The following NALCN variants were observed in gnomAD, a reference collection of about 807,000 sequenced individuals.
The protein encoded by NALCN is sodium leak channel, non-selective.
In NALCN, 111 loss-of-function variants were observed where a neutral mutation model predicts 225.3. The observed-to-expected ratio is 0.49, with a 90% CI of 0.42 to 0.58. The LOEUF is 0.58. NALCN is among the 20% of genes least tolerant of loss of function. The probability of loss-of-function intolerance (pLI) is 0.00; values close to 1 mark genes in which losing one functional copy is unlikely to be tolerated. For missense variants in NALCN, 1,378 were observed against 2,202.4 expected (o/e 0.63, Z 7.49); for synonymous variants, 764 against 769.0 (o/e 0.99, Z 0.11).
At chr13:101,369,166 A>ATGTGTG (rs56739782) in intron 6 of NALCN, among the ~76,000 whole-genome samples, 3,292 of 146,394 alleles carry the variant, frequency 0.022, 80 homozygotes, top group African/African-American at 0.063. Context: ...GACAAAATAA[A>ATGTGTG]TGTGTGTGTG....
rs187497283 is a variant in NALCN at position 101,053,970 on chromosome 13, A to C, written c.*1325T>G. On this transcript the variant is annotated 3_prime_UTR_variant, in exon 44 of 44. Coordinates refer to ENST00000251127, the MANE Select transcript of NALCN (RefSeq NM_052867.4). ...CACAGAAGGAATGTCCTATTTGCCT[A>C]TCTATCTGAGGAATGTTAAATAGAG... 1 of 152,214 alleles carries C rather than the reference A, an allele frequency of 6.6e-6. No individual in the cohort carries two copies. The highest frequency in any genetic ancestry group is 2.1e-4 in the South Asian group (1 of 4,806). The allele number at this position is 152,214 out of a possible 1,614,324, so 9.4% of individuals were successfully genotyped here.
At chr13:101,354,055 A>G (rs2139334479) in intron 6 of NALCN, among the ~76,000 whole-genome samples, 1 of 152,296 alleles carries the variant, frequency 6.6e-6, no homozygotes, top group Middle Eastern at 3.4e-3. Flanking sequence ...ATAATATCAG[A>G]AAAGTTGGTC....
intron 7 of NALCN, among the ~76,000 whole-genome samples, chr13:101,340,063 C>G (rs182558037): frequency 1.3e-5 from 2 of 151,688 alleles, no homozygotes; most frequent in Non-Finnish European, 2.9e-5. Flanking sequence ...GTCAGGAGAT[C>G]GAGACCCTCC....
intron 13 of NALCN, among the ~76,000 whole-genome samples, chr13:101,223,253 A>G (rs542432586): frequency 6.6e-6 from 1 of 152,290 alleles, no homozygotes; most frequent in South Asian, 2.1e-4. Context: ...TCAATGCTCT[A>G]TTTGCCAGAA....
intron 15 of NALCN, among the ~76,000 whole-genome samples, chr13:101,158,432 C>T (rs958182012): frequency 2.0e-5 from 3 of 152,252 alleles, no homozygotes; most frequent in Non-Finnish European, 2.9e-5. Context: ...GCTGAGCTCC[C>T]CTCTGCACTG....
chr13:101,164,678 T>C (rs1181983180), intron 15 of NALCN, among the ~76,000 whole-genome samples: 1 of 152,244 alleles, frequency 6.6e-6, no homozygotes, highest in Non-Finnish European at 1.5e-5. Flanking sequence ...CTGTTCTGTC[T>C]TAGCCATTTC....
intron 3 of NALCN, among the ~76,000 whole-genome samples, chr13:101,393,898 A>G (rs2047212519): frequency 6.6e-6 from 1 of 152,192 alleles, no homozygotes; most frequent in East Asian, 1.9e-4. Context: ...ATTTGTGACA[A>G]TATTAGGAAA....
intron 13 of NALCN, among the ~76,000 whole-genome samples, chr13:101,227,905 A>C (rs919640723): frequency 9.2e-5 from 14 of 152,160 alleles, no homozygotes; most frequent in Non-Finnish European, 1.6e-4. Flanking sequence ...TGTGATGGGA[A>C]TCCGTTCCCT....
intron 6 of NALCN, among the ~76,000 whole-genome samples, chr13:101,364,054 T>C (rs577942345): frequency 1.1e-3 from 160 of 152,160 alleles, no homozygotes; most frequent in African/African-American, 3.6e-3. Flanking sequence ...CAAGTTAAAA[T>C]GGCTTTTATA....
intron 10 of NALCN, among the ~76,000 whole-genome samples, chr13:101,267,328 T>C (rs2042630278): frequency 6.6e-6 from 1 of 152,192 alleles, no homozygotes; most frequent in East Asian, 1.9e-4. Context: ...GCACCAGTAA[T>C]GGCTGGTGTG....
intron 13 of NALCN, among the ~76,000 whole-genome samples, chr13:101,210,693 C>A (rs1265964526): frequency 6.6e-6 from 1 of 152,180 alleles, no homozygotes; most frequent in Non-Finnish European, 1.5e-5. Flanking sequence ...GGATGCTGGG[C>A]TACCTCAGTG....
chr13:101,256,603 T>C (rs946268641), intron 11 of NALCN, among the ~76,000 whole-genome samples: 2 of 152,130 alleles, frequency 1.3e-5, no homozygotes, highest in Non-Finnish European at 2.9e-5. Flanking sequence ...CCCCTTTCTT[T>C]GCCAACTTCC....
At chr13:101,399,779 T>C (rs2047414412) in intron 1 of NALCN, among the ~76,000 whole-genome samples, 1 of 152,122 alleles carries the variant, frequency 6.6e-6, no homozygotes, top group Non-Finnish European at 1.5e-5. Context: ...TGAAATTACA[T>C]TGAGGTGGGA....
intron 15 of NALCN, among the ~76,000 whole-genome samples, chr13:101,168,091 T>C (rs1400802973): frequency 6.6e-6 from 1 of 152,182 alleles, no homozygotes; most frequent in Non-Finnish European, 1.5e-5. Flanking sequence ...TGAAACTCTT[T>C]CACCTTTTGA....
At chr13:101,136,908 C>T (rs533334002) in intron 17 of NALCN, among the ~76,000 whole-genome samples, 10 of 152,298 alleles carry the variant, frequency 6.6e-5, no homozygotes, top group South Asian at 2.1e-4. Flanking sequence ...AACTAGTTTA[C>T]GGTCCCACCA....
Position 101,076,015 on chromosome 13 carries a change from T to G in NALCN, c.3886-74A>C, listed in dbSNP as rs1339917609. ...TGTTACAGTTCCATTTTTTAAGCCT[T>G]CTGTGAAGTATACTGAATAATTAGC... On this transcript the variant is annotated intron_variant, in intron 34 of 43. Coordinates refer to ENST00000251127, the MANE Select transcript of NALCN (RefSeq NM_052867.4). 3.2e-6 allele frequency: 4 copies of G among 1,236,942 alleles called. No individual in the cohort carries two copies. The Admixed American group carries it at 6.0e-5, about 19-fold the overall frequency. 76.6% of individuals were successfully genotyped at this position (1,236,942 alleles called of 1,614,324 possible). A position where few individuals can be genotyped will look rare whatever the true frequency, so the allele number is the denominator to read the frequency against.
intron 14 of NALCN, among the ~76,000 whole-genome samples, chr13:101,177,141 T>C (rs1421392245): frequency 6.6e-6 from 1 of 152,106 alleles, no homozygotes; most frequent in East Asian, 1.9e-4. Flanking sequence ...GAGTGACCCA[T>C]CTTGGAAAGA....
chr13:101,276,167 T>C (rs1407198899), intron 10 of NALCN, among the ~76,000 whole-genome samples: 1 of 149,732 alleles, frequency 6.7e-6, no homozygotes, highest in Non-Finnish European at 1.5e-5. Context: ...CAGAAAGACA[T>C]TGCAGGCATG....
chr13:101,207,663 C>T (rs541378535), intron 13 of NALCN, among the ~76,000 whole-genome samples: 29 of 152,170 alleles, frequency 1.9e-4, no homozygotes, highest in Admixed American at 9.2e-4. Context: ...CTGTGTCTAG[C>T]TAAAGATTTG....
Sources: allele counts gnomAD v4.1 joint callset (sites outside exome capture counted in the v4.1 genomes callset), GRCh38; gene constraint gnomAD v4.1.1; transcripts MANE v1.5; gene names NCBI Gene and HGNC (gene_info 2026-07-23, HGNC 2026-07-21).